The following BTAF1 variants were observed in gnomAD, a reference collection of about 807,000 sequenced individuals.
The protein encoded by BTAF1 is TATA-binding protein-associated factor 172.
A neutral mutation model predicts 227.1 loss-of-function variants in BTAF1; 38 were observed. The observed-to-expected ratio is 0.17, with a 90% CI of 0.13 to 0.22. BTAF1 has a LOEUF of 0.22. Ranked by LOEUF, BTAF1 falls within the 10% of genes least tolerant of loss-of-function variation. The pLI is 1.00. For missense variants in BTAF1, 1,598 were observed against 2,204.0 expected (o/e 0.73, Z 5.51); for synonymous variants, 742 against 751.9 (o/e 0.99, Z 0.21).
chr10:91,980,827 A>G (rs1479187323), intron 15 of BTAF1, among the ~76,000 whole-genome samples: 1 of 152,196 alleles, frequency 6.6e-6, no homozygotes, highest in African/African-American at 2.4e-5. Flanking sequence ...GAAATGAGGA[A>G]AAGATTGCTT....
chr10:92,001,761 A>G (rs1849545021), intron 25 of BTAF1, among the ~76,000 whole-genome samples: 2 of 152,090 alleles, frequency 1.3e-5, no homozygotes, highest in African/African-American at 4.8e-5. Context: ...AACTGGGGGA[A>G]AATACAGTCA....
chr10:91,957,541 A>G (rs938246904), intron 8 of BTAF1, among the ~76,000 whole-genome samples: 2 of 152,222 alleles, frequency 1.3e-5, no homozygotes, highest in African/African-American at 4.8e-5. Flanking sequence ...AAAGGCTTGC[A>G]TATCTCTCCC....
At chr10:91,991,018 G>A (rs960950387) in intron 20 of BTAF1, among the ~76,000 whole-genome samples, 11 of 151,646 alleles carry the variant, frequency 7.3e-5, no homozygotes, top group African/African-American at 2.4e-4. Context: ...AGGCCGAGGC[G>A]GGTGGATCAC....
intron 25 of BTAF1, among the ~76,000 whole-genome samples, chr10:92,003,323 T>G (rs74925916): frequency 6.6e-6 from 1 of 152,234 alleles, no homozygotes; most frequent in Non-Finnish European, 1.5e-5. Flanking sequence ...GTAGTCACCA[T>G]GCTGTACAGA....
intron 1 of BTAF1, among the ~76,000 whole-genome samples, chr10:91,925,042 A>C (rs190635583): frequency 1.3e-5 from 2 of 152,348 alleles, no homozygotes; most frequent in African/African-American, 4.8e-5. Flanking sequence ...CTTTGAGCGT[A>C]TTAAGTGCAC....
intron 2 of BTAF1, 58 bp from the exon 3 acceptor site, chr10:91,939,894 G>A: frequency 8.7e-7 from 1 of 1,154,598 alleles, no homozygotes; most frequent in South Asian, 1.4e-5. Context: ...TCTCTGTTCT[G>A]GCTACCTTGC....
Position 92,008,154 on chromosome 10 carries a change from C to T in BTAF1, c.3692C>T (p.Ala1231Val), listed in dbSNP as rs778424881. 6 of 1,592,628 alleles carry T rather than the reference C, an allele frequency of 3.8e-6. No homozygotes were observed. In the African/African-American group the frequency reaches 6.8e-5, roughly 18 times the overall value. ...ATTCCAGACCCTCCAAACATGTCAGCAGAATTAATCCAATTGAAAGCCAAG... is the reference window on the plus strand; with the variant it reads ...ATTCCAGACCCTCCAAACATGTCAGTAGAATTAATCCAATTGAAAGCCAAG... Reference protein sequence around the residue: ...AGIPDPPNMSAELIQLKAKER... With the variant: ...AGIPDPPNMSVELIQLKAKER... The change falls in exon 26 of 38, where the codon GCA (alanine) becomes GTA (valine). Residue 1231 changes from alanine to valine, a missense_variant. Coordinates refer to ENST00000265990, the MANE Select transcript of BTAF1 (RefSeq NM_003972.3).
chr10:91,956,533 A>G lies in BTAF1; in HGVS notation c.707A>G (p.Asp236Gly), dbSNP rs941907694. ...DAVETNEKSNDSTDGEPEEKR... is the reference protein window; with the variant it reads ...DAVETNEKSNGSTDGEPEEKR... ...TGGTGACTTTTATTTTTTAGCAATGATAGCACTGATGGGGAGCCAGAAGAA... is the reference window on the plus strand; with the variant it reads ...TGGTGACTTTTATTTTTTAGCAATGGTAGCACTGATGGGGAGCCAGAAGAA... Residue 236 changes from aspartate to glycine, a missense_variant, in exon 7 of 38, where the codon GAT becomes GGT. By Grantham distance (94) the Asp-to-Gly change is moderately conservative. This residue lies in a region of BTAF1 where 298 missense variants were observed against 395.2 expected (regional missense o/e 0.75). Coordinates refer to ENST00000265990, the MANE Select transcript of BTAF1 (RefSeq NM_003972.3). The G allele has an allele frequency of 1.2e-6, 2 of 1,602,072 alleles. No individual in the cohort carries two copies. Among genetic ancestry groups the G allele is most frequent in the Admixed American group, 3.5e-5 (2 of 56,444 alleles).
rs1268411881 is a variant in BTAF1, at chr10:92,031,064, T to C, written c.*2131T>C. 6.6e-6 allele frequency among the ~76,000 whole-genome samples: 1 copy of C among 152,214 alleles called. No homozygotes were observed. Among genetic ancestry groups the C allele is most frequent in the Non-Finnish European group, 1.5e-5 (1 of 68,036 alleles). Reference sequence around the variant, plus strand: ...GGGAAGTCAAACAAGCATGATAGAATGTTAACTATTTTAAACTGGGAATTG... The same window carrying C: ...GGGAAGTCAAACAAGCATGATAGAACGTTAACTATTTTAAACTGGGAATTG... On this transcript the variant is annotated 3_prime_UTR_variant, in exon 38 of 38. Transcript: ENST00000265990.
At chr10:92,012,770 CAAAAAA>C (rs202198347) in intron 30 of BTAF1, among the ~76,000 whole-genome samples, 2 of 92,626 alleles carry the variant, frequency 2.2e-5, no homozygotes, top group African/African-American at 4.8e-5. Flanking sequence ...GACTCTGTCT[CAAAAAA>C]AAAAAAAAAA....
chr10:91,987,749 C>CTCTA (rs1234033242), intron 19 of BTAF1, among the ~76,000 whole-genome samples: 3 of 152,008 alleles, frequency 2.0e-5, no homozygotes, highest in African/African-American at 7.3e-5. Flanking sequence ...CTTCTAAATG[C>CTCTA]TCTATCTCTT....
chr10:91,977,344 G>A (rs1292198105), intron 14 of BTAF1, among the ~76,000 whole-genome samples: 2 of 152,076 alleles, frequency 1.3e-5, no homozygotes, highest in African/African-American at 4.8e-5. Flanking sequence ...CATATAGTAT[G>A]GAGCCTTTTC....
intron 14 of BTAF1, among the ~76,000 whole-genome samples, chr10:91,976,531 C>A (rs1331208978): frequency 6.6e-6 from 1 of 152,106 alleles, no homozygotes; most frequent in Non-Finnish European, 1.5e-5. Flanking sequence ...AGAGTCACTT[C>A]GTTAGCACAA....
intron 19 of BTAF1, among the ~76,000 whole-genome samples, chr10:91,986,374 G>A (rs1428845116): frequency 2.0e-5 from 3 of 152,116 alleles, no homozygotes; most frequent in African/African-American, 7.2e-5. Flanking sequence ...ATGAGATTAG[G>A]TGTAGTATAT....
In BTAF1 at chr10:91,989,240, C is replaced by T; in HGVS notation, c.2514C>T (p.Val838=). The T allele has an allele frequency of 6.2e-7, 1 of 1,614,050 alleles. No individual in the cohort carries two copies. Among genetic ancestry groups the T allele is most frequent in the Non-Finnish European group, 8.5e-7 (1 of 1,180,018 alleles). The change falls in exon 20 of 38, where the codon GTC becomes GTT. Residue 838 remains valine (V), a synonymous_variant. Transcript: ENST00000265990. ...AGTTAGATAGTAAACGACAGCAGGT[C>T]CAAATGACAGTTACAGAGACCAACC... is the stretch of plus-strand genomic sequence containing the variant. ...LQQLDSKRQQ[V]QMTVTETNQE...
chr10:91,943,150 C>G (rs1345267416), intron 4 of BTAF1, among the ~76,000 whole-genome samples: 1 of 152,066 alleles, frequency 6.6e-6, no homozygotes, highest in African/African-American at 2.4e-5. Context: ...CCTGTCTCTA[C>G]TAAAAATACA....
In BTAF1 at chr10:91,953,870, A is replaced by C. The variant is rs1347200706; in HGVS notation, c.698A>C (p.Lys233Thr). The C allele has an allele frequency of 6.2e-7, 1 of 1,613,664 alleles. No homozygotes were observed. The highest frequency in any genetic ancestry group is 1.7e-5 in the Admixed American group (1 of 59,964). ...AGGGATGCAGTGGAAACTAATGAGAAGAGGTAGTAATCTTTTTTTGCCTAT... is the reference window on the plus strand; with the variant it reads ...AGGGATGCAGTGGAAACTAATGAGACGAGGTAGTAATCTTTTTTTGCCTAT... ...RSRDAVETNE[K>T]SNDSTDGEPE... Residue 233 changes from lysine to threonine, a missense_variant, in exon 6 of 38, where the codon AAG (lysine) becomes ACG (threonine). By Grantham distance (78) the Lys-to-Thr change is moderately conservative. This residue lies in a region of BTAF1 where 298 missense variants were observed against 395.2 expected (regional missense o/e 0.75). Transcript: ENST00000265990.
At chr10:92,013,012 T>A (rs1297759349) in intron 30 of BTAF1, among the ~76,000 whole-genome samples, 1 of 151,842 alleles carries the variant, frequency 6.6e-6, no homozygotes, top group African/African-American at 2.4e-5. Flanking sequence ...TGGCCCAGAG[T>A]CAGGGGGCAG....
chr10:91,982,026 T>A (rs1453756702), intron 16 of BTAF1, 57 bp from the exon 17 acceptor site: 2 of 1,544,536 alleles, frequency 1.3e-6, no homozygotes, highest in Admixed American at 4.2e-5. Context: ...TTTTTGTTGT[T>A]GCCTATTCAG....
Sources: gnomAD v4.1 joint callset for allele counts (sites outside exome capture counted in the v4.1 genomes callset) on GRCh38, gnomAD v4.1.1 for gene constraint, gnomAD v4.1.1 regional missense constraint, MANE v1.5 for transcripts, NCBI Gene and HGNC (gene_info 2026-07-23, HGNC 2026-07-21) for gene names.